Variants in LONRF2 observed in about 807,000 individuals in gnomAD.
The protein encoded by LONRF2 is LON peptidase N-terminal domain and ring finger 2.
LONRF2 carries 35 observed loss-of-function variants against 66.6 expected under a neutral mutation model. The observed-to-expected ratio is 0.53, with a 90% CI of 0.40 to 0.70. The LOEUF (loss-of-function observed/expected upper bound fraction) is 0.70. Among genes scored for constraint, LONRF2 ranks in the 30% least tolerant of loss-of-function variants. The pLI is 0.00. For missense variants in LONRF2, 902 were observed against 1,002.1 expected (o/e 0.90, Z 1.35); for synonymous variants, 417 against 418.1 (o/e 1.00, Z 0.03).
chr2:100,320,568 T>C (rs1486681287), intron 1 of LONRF2, among the ~76,000 whole-genome samples: 1 of 152,218 alleles, frequency 6.6e-6, no homozygotes, highest in African/African-American at 2.4e-5. Context: ...ATTATTTTAG[T>C]AACAAGAGAT....
intron 7 of LONRF2, among the ~76,000 whole-genome samples, chr2:100,296,578 T>C (rs913645584): frequency 2.0e-5 from 3 of 152,160 alleles, no homozygotes; most frequent in African/African-American, 7.2e-5. Context: ...CCAGGTTTCC[T>C]TGTGGTTGGT....
Position 100,313,965 on chromosome 2 carries a change from A to AT in LONRF2, c.680-4741dup, listed in dbSNP as rs559951790. 3.3e-3 allele frequency among the ~76,000 whole-genome samples: 507 copies of AT among 152,304 alleles called. 2 individuals are homozygous for AT. Among genetic ancestry groups the AT allele is most frequent in the South Asian group, 6.4e-3 (31 of 4,826 alleles). ...AAAAATTTAAAAATTGCTGTGTAAT[A>AT]TTACACTGTATGACTTGATTTATTT... On this transcript the variant is annotated intron_variant, in intron 1 of 11. Transcript: ENST00000393437.
intron 2 of LONRF2, among the ~76,000 whole-genome samples, chr2:100,304,369 T>C (rs901045790): frequency 6.6e-6 from 1 of 151,962 alleles, no homozygotes; most frequent in Non-Finnish European, 1.5e-5. Flanking sequence ...CTTGAACTCC[T>C]GGCCTCAAGT....
At chr2:100,316,823 C>A (rs1250321060) in intron 1 of LONRF2, among the ~76,000 whole-genome samples, 1 of 152,168 alleles carries the variant, frequency 6.6e-6, no homozygotes, top group Non-Finnish European at 1.5e-5. Context: ...GCTTTTGTCT[C>A]CTTTTGTTCT....
chr2:100,290,474 C>T, intron 9 of LONRF2, 54 bp from the exon 10 acceptor site: 1 of 1,535,764 alleles, frequency 6.5e-7, no homozygotes, highest in Non-Finnish European at 8.8e-7. Context: ...AGGGGGCCTT[C>T]TTTTTCCCTG....
Position 100,322,254 on chromosome 2 carries a change from G to A in LONRF2, c.-161C>T, listed in dbSNP as rs906839610. ...GCGAGCGGCTGAGACCGCGGGCGGG[G>A]GCGGGCGCCTGGCTTGGGCAGCGTC... On this transcript the variant is annotated 5_prime_UTR_variant, in exon 1 of 12. Coordinates refer to ENST00000393437, the MANE Select transcript of LONRF2 (RefSeq NM_198461.4). 3.0e-6 allele frequency: 2 copies of A among 677,754 alleles called. No homozygotes were observed. The highest frequency in any genetic ancestry group is 8.3e-5 in the East Asian group (2 of 24,118). The allele number at this position is 677,754 out of a possible 1,614,324, so 42.0% of individuals were successfully genotyped here.
rs115864785 is a variant in LONRF2, at chr2:100,294,375, G to A, written c.1611C>T (p.Asp537=). 10 of 1,587,118 alleles carry A rather than the reference G, an allele frequency of 6.3e-6. No individual in the cohort carries two copies. The East Asian group carries it at 1.4e-4, about 22-fold the overall frequency. Residue 537 remains aspartate, a synonymous_variant, in exon 9 of 12, where the codon GAC becomes GAT. Transcript: ENST00000393437. The stretch of plus-strand genomic sequence containing the variant: ...CCATGGCACACACAAAGATGGGGAC[G>A]TCTCTGGTCAGACTGCAGAGCAAGG... ...EMSELSNLTR[D]VPIFVCAMAF...
intron 10 of LONRF2, among the ~76,000 whole-genome samples, chr2:100,289,772 C>T (rs1674920767): frequency 6.6e-6 from 1 of 152,026 alleles, no homozygotes; most frequent in South Asian, 2.1e-4. Flanking sequence ...TGTACCAGCT[C>T]CCAACTCAGG....
rs771082053 is a variant in LONRF2, at chr2:100,299,806, G to A, written c.1178C>T (p.Thr393Ile). Residue 393 changes from threonine (T) to isoleucine (I), a missense_variant, in exon 5 of 12, where the codon ACA (threonine) becomes ATA (isoleucine). Thr to Ile is a moderately conservative substitution (Grantham distance 89). Around this residue, in one of 2 missense-constraint regions of LONRF2, gnomAD observed 585 missense variants for 569.9 expected, o/e 1.03. Coordinates refer to ENST00000393437, the MANE Select transcript of LONRF2 (RefSeq NM_198461.4). ...TCTCTTTAAGCCAGCGCTGGGTGCT[G>A]TTGGAAGGATGCTTTCTAACGCCTT... Reference protein sequence around the residue: ...DKKALESILPTAPSAGLKRQF... With the variant: ...DKKALESILPIAPSAGLKRQF... 2.0e-5 allele frequency: 33 copies of A among 1,613,848 alleles called. No individual in the cohort carries two copies. The highest frequency in any genetic ancestry group is 2.6e-5 in the Non-Finnish European group (31 of 1,179,930).
chr2:100,300,016 A>T (rs1675148895), intron 4 of LONRF2, 98 bp from the exon 5 acceptor site: 1 of 426,400 alleles, frequency 2.3e-6, no homozygotes, highest in Admixed American at 3.9e-5. Context: ...TTTGGAAAAA[A>T]AAAGGGGGGG....
chr2:100,285,436 G>A (rs992192388), intron 11 of LONRF2, among the ~76,000 whole-genome samples: 2 of 152,148 alleles, frequency 1.3e-5, no homozygotes, highest in African/African-American at 4.8e-5. Flanking sequence ...AAACTGAGTA[G>A]CACGCTTAAT....
intron 4 of LONRF2, among the ~76,000 whole-genome samples, chr2:100,300,186 CACACAT>C (rs1327385982): frequency 2.0e-5 from 3 of 152,146 alleles, no homozygotes. Context: ...TACACACACA[CACACAT>C]ACACATACAC....
In LONRF2 at chr2:100,322,126, C is replaced by T. The variant is rs569292381; in HGVS notation, c.-33G>A. The stretch of plus-strand genomic sequence containing the variant: ...GGGCTGCGACGACGCGGGTCCGGAG[C>T]GAAGGCGCGGAGCAGGGAGGATGCG... On this transcript the variant is annotated 5_prime_UTR_variant, in exon 1 of 12. Coordinates refer to ENST00000393437, the MANE Select transcript of LONRF2 (RefSeq NM_198461.4). 22 of 1,236,580 alleles carry T rather than the reference C, an allele frequency of 1.8e-5. No homozygotes were observed. Among genetic ancestry groups the T allele is most frequent in the Non-Finnish European group, 1.1e-5 (11 of 990,594 alleles). 76.6% of individuals were successfully genotyped at this position (1,236,580 alleles called of 1,614,324 possible).
In LONRF2 at chr2:100,321,735, C is replaced by T. The variant is rs1260576263; in HGVS notation, c.359G>A (p.Gly120Asp). ...DRPLSAENPG[G>D]EPEAPGEGGP... ...TCCCTCGCCGGGCGCCTCGGGCTCGCCGCCCGGGTTCTCCGCGGACAGCGG... is the reference window on the plus strand; with the variant it reads ...TCCCTCGCCGGGCGCCTCGGGCTCGTCGCCCGGGTTCTCCGCGGACAGCGG... Residue 120 changes from glycine to aspartate, a missense_variant, in exon 1 of 12, where the codon GGC (glycine) becomes GAC (aspartate). Physicochemically the swap from Gly to Asp is moderately conservative, Grantham distance 94. This residue lies in a region of LONRF2 where 585 missense variants were observed against 569.9 expected (regional missense o/e 1.03). Coordinates refer to ENST00000393437, the MANE Select transcript of LONRF2 (RefSeq NM_198461.4). 9.0e-7 allele frequency: 1 copy of T among 1,111,558 alleles called. No individual in the cohort carries two copies. The highest frequency in any genetic ancestry group is 4.3e-5 in the South Asian group (1 of 23,292). The allele number at this position is 1,111,558 out of a possible 1,614,324, so 68.9% of individuals were successfully genotyped here.
intron 9 of LONRF2, among the ~76,000 whole-genome samples, chr2:100,292,710 T>C (rs1674986248): frequency 6.6e-6 from 1 of 152,240 alleles, no homozygotes; most frequent in South Asian, 2.1e-4. Flanking sequence ...CCCTCTGTTA[T>C]GTATTCTCAG....
At chr2:100,295,021 A>C (rs1675035803) in intron 8 of LONRF2, among the ~76,000 whole-genome samples, 1 of 150,006 alleles carries the variant, frequency 6.7e-6, no homozygotes, top group African/African-American at 2.4e-5. Context: ...ATTTATAATA[A>C]TTTTTTAATA....
chr2:100,314,758 T>C (rs1675473007), intron 1 of LONRF2, among the ~76,000 whole-genome samples: 1 of 152,182 alleles, frequency 6.6e-6, no homozygotes, highest in Non-Finnish European at 1.5e-5. Context: ...TGACTCTTTT[T>C]TCCCCATTGA....
In LONRF2 at chr2:100,274,054, T is replaced by C. The variant is rs1261195502; in HGVS notation, c.*10244A>G. On this transcript the variant is annotated 3_prime_UTR_variant, in exon 12 of 12. Coordinates refer to ENST00000393437, the MANE Select transcript of LONRF2 (RefSeq NM_198461.4). ...GTAAATAACGAAGGCCCCAATGCAA[T>C]TTTTGAAAATGATCCCTGAAAAGCA... The C allele has an allele frequency of 6.6e-6, 1 of 152,174 alleles. No individual in the cohort carries two copies. Among genetic ancestry groups the C allele is most frequent in the Non-Finnish European group, 1.5e-5 (1 of 68,020 alleles). The allele number at this position is 152,174 out of a possible 1,614,324, so 9.4% of individuals were successfully genotyped here.
At chr2:100,311,163 C>G (rs1482050971) in intron 1 of LONRF2, among the ~76,000 whole-genome samples, 1 of 152,148 alleles carries the variant, frequency 6.6e-6, no homozygotes, top group Non-Finnish European at 1.5e-5. Context: ...CTCACGGTAT[C>G]TGCCTTTTTA....
Sources: allele counts gnomAD v4.1 joint callset (sites outside exome capture counted in the v4.1 genomes callset), GRCh38; gene constraint gnomAD v4.1.1; regional missense constraint gnomAD v4.1.1; transcripts MANE v1.5; gene names NCBI Gene and HGNC (gene_info 2026-07-23, HGNC 2026-07-21).